Variants in LINGO2 observed in about 807,000 individuals in gnomAD.
LINGO2 encodes leucine rich repeat and Ig domain containing 2.
Under a neutral mutation model 30.6 loss-of-function variants are expected in LINGO2, and 14 were observed. The ratio of observed to expected loss-of-function variants is 0.46; its 90% CI spans 0.30 to 0.72. The LOEUF (loss-of-function observed/expected upper bound fraction) is 0.72, where lower values mean the gene tolerates loss of function less well. Among genes scored for constraint, LINGO2 ranks in the 30% least tolerant of loss-of-function variants. The pLI is 0.07. For synonymous variants in LINGO2, 317 were observed against 288.5 expected, an observed-to-expected ratio of 1.10 and a Z score of -1.00; for missense variants, 729 against 751.7, an observed-to-expected ratio of 0.97 and a Z score of 0.35.
the LINGO2 span, among the ~76,000 whole-genome samples, chr9:29,001,652 C>T: frequency 2.6e-5 from 4 of 151,900 alleles, no homozygotes; most frequent in East Asian, 7.7e-4. Flanking sequence ...GTAATTGCAG[C>T]TTTTGCAATT....
chr9:28,656,829 T>C (rs1217004595), intron 1 of LINGO2, among the ~76,000 whole-genome samples: 1 of 152,104 alleles, frequency 6.6e-6, no homozygotes, highest in Non-Finnish European at 1.5e-5. Context: ...AACTAATAGA[T>C]AGTGGTAGAA....
chr9:29,025,128 G>T, the LINGO2 span, among the ~76,000 whole-genome samples: 1 of 150,980 alleles, frequency 6.6e-6, no homozygotes, highest in Non-Finnish European at 1.5e-5. Flanking sequence ...ACATCTGTGG[G>T]AACTCAGCTT....
At chr9:28,644,665 C>G (rs1325111433) in intron 1 of LINGO2, among the ~76,000 whole-genome samples, 4 of 151,484 alleles carry the variant, frequency 2.6e-5, no homozygotes, top group African/African-American at 9.7e-5. Context: ...TTTAATTGTT[C>G]TTTTTAAATA....
intron 5 of LINGO2, among the ~76,000 whole-genome samples, chr9:28,005,905 G>A (rs1054018537): frequency 2.0e-5 from 3 of 151,886 alleles, no homozygotes; most frequent in East Asian, 1.9e-4. Flanking sequence ...TTCTTTGTCT[G>A]GTTTCTATTA....
At chr9:28,482,237 C>A (rs1311531927) in intron 1 of LINGO2, among the ~76,000 whole-genome samples, 1 of 151,882 alleles carries the variant, frequency 6.6e-6, no homozygotes, top group Non-Finnish European at 1.5e-5. Flanking sequence ...TACAGTCCCA[C>A]CAACAGTGTA....
intron 1 of LINGO2, chr9:28,599,311 T>C (rs964278534): frequency 6.6e-6 from 1 of 152,188 alleles, no homozygotes; most frequent in Admixed American, 6.5e-5. Flanking sequence ...GGAACATTTT[T>C]CTTGCAGAGT....
At chr9:28,352,164 G>C (rs1819927593) in intron 3 of LINGO2, among the ~76,000 whole-genome samples, 1 of 151,792 alleles carries the variant, frequency 6.6e-6, no homozygotes, top group Admixed American at 6.6e-5. Context: ...TATTAGGCAG[G>C]AGAAGGAAAT....
rs998703823 is a variant in LINGO2 at position 28,130,480 on chromosome 9, A to G, written c.-86-118075T>C. Among the ~76,000 whole-genome samples the G allele has an allele frequency of 6.6e-6, 1 of 152,192 alleles. No individual in the cohort carries two copies. Among genetic ancestry groups the G allele is most frequent in the Non-Finnish European group, 1.5e-5 (1 of 68,022 alleles). On this transcript the variant is annotated intron_variant, in intron 4 of 5. Transcript: ENST00000379992. The surrounding 1 kb of genome is among the most constrained non-coding windows in gnomAD (Gnocchi z 5.2). ...GTCAAATTTTTGTGAATCTCTCACC[A>G]TGTTACCACTGACAGTCATTTAATC...
chr9:28,562,096 G>A (rs1450199238), intron 1 of LINGO2, among the ~76,000 whole-genome samples: 1 of 151,820 alleles, frequency 6.6e-6, no homozygotes, highest in East Asian at 1.9e-4. Flanking sequence ...AGATTGCAGG[G>A]AACTACAAGA....
intron 2 of LINGO2, among the ~76,000 whole-genome samples, chr9:28,457,727 C>T (rs1157070503): frequency 6.6e-6 from 1 of 152,062 alleles, no homozygotes; most frequent in African/African-American, 2.4e-5. Context: ...CACTGTGCTG[C>T]ATGGAAAGTT....
At chr9:28,464,757 C>T (rs752318924) in intron 2 of LINGO2, among the ~76,000 whole-genome samples, 1 of 152,140 alleles carries the variant, frequency 6.6e-6, no homozygotes. Flanking sequence ...CTTAATAGCT[C>T]ACTACTTAAG....
At chr9:28,239,309 C>A (rs1388001746) in intron 4 of LINGO2, among the ~76,000 whole-genome samples, 1 of 151,792 alleles carries the variant, frequency 6.6e-6, no homozygotes, top group African/African-American at 2.4e-5. Flanking sequence ...GTCCTGATAC[C>A]AAAACAAGAC....
chr9:28,234,963 A>G (rs552453157), intron 4 of LINGO2, among the ~76,000 whole-genome samples: 25 of 152,304 alleles, frequency 1.6e-4, no homozygotes, highest in African/African-American at 6.0e-4. Context: ...ACATAAGGTG[A>G]ATTGCTAAGA....
the LINGO2 span, among the ~76,000 whole-genome samples, chr9:29,150,065 G>T: frequency 6.6e-6 from 1 of 152,148 alleles, no homozygotes; most frequent in African/African-American, 2.4e-5. Context: ...TGAACATTCT[G>T]AAATACAAAA....
At chr9:29,069,174 T>G in the LINGO2 span, among the ~76,000 whole-genome samples, 2 of 151,902 alleles carry the variant, frequency 1.3e-5, no homozygotes, top group African/African-American at 4.8e-5. Context: ...ACATGATACT[T>G]ACATCCAAAA....
intron 1 of LINGO2, among the ~76,000 whole-genome samples, chr9:28,510,486 T>G (rs1820328551): frequency 6.6e-6 from 1 of 152,066 alleles, no homozygotes; most frequent in Admixed American, 6.5e-5. Context: ...TTTGTCTTCA[T>G]GTGGAGTAGG....
intron 4 of LINGO2, among the ~76,000 whole-genome samples, chr9:28,226,887 G>C (rs1050250606): frequency 4.6e-5 from 7 of 152,022 alleles, no homozygotes; most frequent in African/African-American, 1.7e-4. Context: ...AAGTGCAATT[G>C]ACCTTAGTAA....
At chr9:28,543,240 T>C (rs950889591) in intron 1 of LINGO2, among the ~76,000 whole-genome samples, 1 of 152,094 alleles carries the variant, frequency 6.6e-6, no homozygotes, top group African/African-American at 2.4e-5. Flanking sequence ...CCAATAAATG[T>C]CTATTTAAAC....
At chr9:28,273,742 C>G (rs1200608934) in intron 4 of LINGO2, among the ~76,000 whole-genome samples, 2 of 152,150 alleles carry the variant, frequency 1.3e-5, no homozygotes, top group African/African-American at 2.4e-5. Context: ...AACAGTAAAA[C>G]CAAGACTTAA....
Sources: gnomAD v4.1 joint callset for allele counts (sites outside exome capture counted in the v4.1 genomes callset) on GRCh38, gnomAD v4.1.1 for gene constraint, Gnocchi (gnomAD v3.1) non-coding constraint, MANE v1.5 for transcripts, NCBI Gene and HGNC (gene_info 2026-07-23, HGNC 2026-07-21) for gene names.